DIAPH2: variants seen among roughly 807,000 people sequenced by gnomAD.
DIAPH2 encodes protein diaphanous homolog 2.
Under a neutral mutation model 92.7 loss-of-function variants are expected in DIAPH2, and 35 were observed. The ratio of observed to expected loss-of-function variants is 0.38; its 90% CI spans 0.29 to 0.50. The LOEUF is 0.50. Ranked by LOEUF, DIAPH2 falls within the 20% of genes least tolerant of loss-of-function variation. DIAPH2 has a pLI of 0.94. For missense variants in DIAPH2, 701 were observed against 819.5 expected (o/e 0.86, Z 1.77); for synonymous variants, 301 against 280.4 (o/e 1.07, Z -0.73).
chrX:96,886,912 T>C (rs1167102805), intron 5 of DIAPH2, among the ~76,000 whole-genome samples: 3 of 38,727 alleles, frequency 7.7e-5, no homozygotes, highest in Non-Finnish European at 1.3e-4. Context: ...AAAAAAACTC[T>C]TTTTTTTTTG....
chrX:97,199,362 A>G (rs2067729667), intron 22 of DIAPH2, among the ~76,000 whole-genome samples: 1 of 111,065 alleles, frequency 9.0e-6, no homozygotes, highest in African/African-American at 3.3e-5. Context: ...ATATGTGTAT[A>G]CATGCATATG....
intron 5 of DIAPH2, chrX:96,884,889 C>T (rs778586646): frequency 8.3e-7 from 1 of 1,210,790 alleles, no homozygotes; most frequent in South Asian, 1.8e-5. Context: ...CTGGGGATAA[C>T]GATGAGAGTC....
chrX:96,728,039 G>A (rs1363854530), intron 1 of DIAPH2, among the ~76,000 whole-genome samples: 165 of 60,802 alleles, frequency 2.7e-3, no homozygotes, highest in Non-Finnish European at 4.2e-3. Context: ...GGGAGACTCC[G>A]TCTCAAAAAA....
At chrX:96,881,227 T>C (rs2065210777) in intron 4 of DIAPH2, among the ~76,000 whole-genome samples, 2 of 111,730 alleles carry the variant, frequency 1.8e-5, no homozygotes, top group African/African-American at 6.5e-5. Context: ...GGAAAATTAA[T>C]AAGATGATTT....
At chrX:96,948,609 A>T (rs5920612) in intron 14 of DIAPH2, among the ~76,000 whole-genome samples, 2 of 111,898 alleles carry the variant, frequency 1.8e-5, no homozygotes, top group African/African-American at 6.5e-5. Flanking sequence ...AAAATTATTA[A>T]TTCTAAAATT....
intron 1 of DIAPH2, among the ~76,000 whole-genome samples, chrX:96,686,169 A>G (rs923669574): frequency 8.9e-6 from 1 of 112,285 alleles, no homozygotes; most frequent in African/African-American, 3.2e-5. Context: ...TGTTGAATGT[A>G]TAGATTTCAG....
At chrX:96,787,707 T>TTTTA (rs368119520) in intron 4 of DIAPH2, among the ~76,000 whole-genome samples, 21 of 94,179 alleles carry the variant, frequency 2.2e-4, no homozygotes, top group South Asian at 5.6e-4. Context: ...TTTTTTTTTT[T>TTTTA]TGAGACAGAG....
chrX:97,359,217 T>A (rs941860115), intron 24 of DIAPH2, among the ~76,000 whole-genome samples: 3 of 111,839 alleles, frequency 2.7e-5, no homozygotes, highest in Non-Finnish European at 5.6e-5. Flanking sequence ...CAGTAATTGG[T>A]GACTGTCCAG....
intron 26 of DIAPH2, among the ~76,000 whole-genome samples, chrX:97,596,449 C>G (rs1162571512): frequency 9.0e-6 from 1 of 111,651 alleles, no homozygotes; most frequent in Non-Finnish European, 1.9e-5. Flanking sequence ...CATGTGTTGT[C>G]AACTATTGAC....
chrX:97,114,536 G>A (rs2067004278), intron 20 of DIAPH2, among the ~76,000 whole-genome samples, 190 bp from the exon 21 acceptor site: 1 of 111,803 alleles, frequency 8.9e-6, no homozygotes, highest in Non-Finnish European at 1.9e-5. Flanking sequence ...AACCTGTATA[G>A]CCAACTGCTT....
At chrX:97,099,087 G>A (rs2066888553) in intron 19 of DIAPH2, among the ~76,000 whole-genome samples, 1 of 111,805 alleles carries the variant, frequency 8.9e-6, no homozygotes, top group South Asian at 3.7e-4. Context: ...TAGTATTATT[G>A]TACCTAAGCA....
intron 23 of DIAPH2, among the ~76,000 whole-genome samples, chrX:97,344,309 C>T (rs2069137922): frequency 8.9e-6 from 1 of 111,973 alleles, no homozygotes; most frequent in African/African-American, 3.2e-5. Context: ...ACTTGAAAGG[C>T]TAAGACGGGA....
At chrX:96,813,904 G>T (rs1169952401) in intron 4 of DIAPH2, among the ~76,000 whole-genome samples, 1 of 112,068 alleles carries the variant, frequency 8.9e-6, no homozygotes, top group Non-Finnish European at 1.9e-5. Context: ...CTGTCAGTCT[G>T]ATGGGCTTCC....
At chrX:97,551,493 G>T (rs766493412) in intron 26 of DIAPH2, among the ~76,000 whole-genome samples, 1 of 109,056 alleles carries the variant, frequency 9.2e-6, no homozygotes, top group East Asian at 2.9e-4. Flanking sequence ...GGGAGATTGA[G>T]TTGGGAGAAT....
At chrX:96,751,652 G>GTTTTTTTGTTTTTTTTT (rs2064190564) in intron 3 of DIAPH2, among the ~76,000 whole-genome samples, 5 of 60,312 alleles carry the variant, frequency 8.3e-5, no homozygotes, top group African/African-American at 2.5e-4. Context: ...TCAGTGTTTT[G>GTTTTTTTGTTTTTTTTT]TTTTTTTTTT....
intron 1 of DIAPH2, among the ~76,000 whole-genome samples, chrX:96,731,234 A>G (rs1173852147): frequency 9.0e-6 from 1 of 111,161 alleles, no homozygotes; most frequent in African/African-American, 3.3e-5. Flanking sequence ...CAGAGGCCTG[A>G]CAAACAGATG....
intron 22 of DIAPH2, among the ~76,000 whole-genome samples, chrX:97,221,949 T>C (rs1180417004): frequency 9.0e-6 from 1 of 111,122 alleles, no homozygotes; most frequent in Non-Finnish European, 1.9e-5. Flanking sequence ...CCACAAGTGT[T>C]TAGTTTTTTG....
intron 1 of DIAPH2, among the ~76,000 whole-genome samples, chrX:96,702,757 A>G (rs1569369809): frequency 8.9e-6 from 1 of 112,100 alleles, no homozygotes; most frequent in Non-Finnish European, 1.9e-5. Context: ...GTCCAAGATC[A>G]GGGTACCAGC....
At chrX:97,293,243 C>CTTTTTTTTTTTTTTTTT (rs1184478622) in intron 23 of DIAPH2, among the ~76,000 whole-genome samples, 1 of 63,216 alleles carries the variant, frequency 1.6e-5, no homozygotes, top group Non-Finnish European at 3.0e-5. Flanking sequence ...ATATTTCTTT[C>CTTTTTTTTTTTTTTTTT]TTTTTTTTTT....
Sources: allele counts gnomAD v4.1 joint callset (sites outside exome capture counted in the v4.1 genomes callset), GRCh38; gene constraint gnomAD v4.1.1; transcripts MANE v1.5; gene names NCBI Gene and HGNC (gene_info 2026-07-23, HGNC 2026-07-21).